MON2: variants seen among roughly 807,000 people sequenced by gnomAD.
The protein encoded by MON2 is protein MON2 homolog.
Under a neutral mutation model 208.6 loss-of-function variants are expected in MON2, and 84 were observed. The ratio of observed to expected loss-of-function variants is 0.40; its 90% CI spans 0.34 to 0.48. The LOEUF is 0.48. Among genes scored for constraint, MON2 ranks in the 20% least tolerant of loss-of-function variants. The probability of loss-of-function intolerance (pLI) is 0.59; values close to 1 mark genes in which losing one functional copy is unlikely to be tolerated. For missense variants in MON2, 1,611 were observed against 2,015.4 expected, an observed-to-expected ratio of 0.80 and a Z score of 3.84; for synonymous variants, 660 against 694.0, an observed-to-expected ratio of 0.95 and a Z score of 0.77.
At chr12:62,530,031 A>G (rs1352520127) in intron 11 of MON2, among the ~76,000 whole-genome samples, 4 of 152,106 alleles carry the variant, frequency 2.6e-5, no homozygotes, top group South Asian at 2.1e-4. Flanking sequence ...AAAATATGCA[A>G]TAGATTATTG....
intron 1 of MON2, among the ~76,000 whole-genome samples, chr12:62,477,183 G>A (rs1430619270): frequency 6.6e-6 from 1 of 152,008 alleles, no homozygotes; most frequent in African/African-American, 2.4e-5. Flanking sequence ...ATAGAGTGAT[G>A]CCTTATCTCA....
chr12:62,583,072 C>G (rs999009502), intron 32 of MON2, among the ~76,000 whole-genome samples: 12 of 152,212 alleles, frequency 7.9e-5, no homozygotes, highest in African/African-American at 2.9e-4. Flanking sequence ...GTGGCTCAGG[C>G]CTGTATTCCC....
At chr12:62,564,947 G>A (rs2074325342) in intron 26 of MON2, 1 of 252,082 alleles carries the variant, frequency 4.0e-6, no homozygotes. Flanking sequence ...TGATCAGATT[G>A]TAGAACCTGA....
intron 2 of MON2, among the ~76,000 whole-genome samples, chr12:62,487,685 T>C (rs1485716755): frequency 1.3e-5 from 2 of 151,694 alleles, no homozygotes; most frequent in Non-Finnish European, 2.9e-5. Flanking sequence ...TATTTATATA[T>C]TTAATATATT....
At chr12:62,505,975 G>A (rs1438778910) in intron 7 of MON2, among the ~76,000 whole-genome samples, 1 of 152,116 alleles carries the variant, frequency 6.6e-6, no homozygotes, top group Non-Finnish European at 1.5e-5. Context: ...TTTGGCCACA[G>A]AGATCATGAT....
intron 34 of MON2, among the ~76,000 whole-genome samples, chr12:62,590,298 G>C (rs1027167380): frequency 7.9e-5 from 12 of 152,196 alleles, no homozygotes; most frequent in Non-Finnish European, 1.3e-4. Context: ...TTGCCATGTT[G>C]GCCAGGCTGG....
At position 62,560,641 on chromosome 12, in the gene MON2, C is replaced by T. The variant is rs1565686388; in HGVS notation, c.3560C>T (p.Thr1187Ile). 5 of 1,613,920 alleles carry T rather than the reference C, an allele frequency of 3.1e-6. No individual in the cohort carries two copies. Among genetic ancestry groups the T allele is most frequent in the Non-Finnish European group, 4.2e-6 (5 of 1,179,996 alleles). Reference protein sequence around the residue: ...SPVRDSDKPETPPVVNVPVPV... With the variant: ...SPVRDSDKPEIPPVVNVPVPV... ...GTCAGAGACTCAGATAAGCCTGAGA[C>T]ACCACCTGTAGTTAATGTACCTGTG... is the stretch of plus-strand genomic sequence containing the variant. Residue 1187 changes from threonine to isoleucine, a missense_variant, in exon 26 of 35, where the codon ACA becomes ATA. Physicochemically the swap from Thr to Ile is moderately conservative, Grantham distance 89 (BLOSUM62 -1). Transcript: ENST00000393630.
rs1260696662 is a variant in MON2, at chr12:62,560,571, G to A, written c.3490G>A (p.Ala1164Thr). 1.2e-6 allele frequency: 2 copies of A among 1,613,888 alleles called. No individual in the cohort carries two copies. Among genetic ancestry groups the A allele is most frequent in the Non-Finnish European group, 1.7e-6 (2 of 1,179,974 alleles). Residue 1164 changes from alanine to threonine, a missense_variant, in exon 26 of 35, where the codon GCT (alanine) becomes ACT (threonine). Ala to Thr is a moderately conservative substitution (Grantham distance 58). Transcript: ENST00000393630. ...CAGCAAAAACAATGAAGTATCTCTGGCTGCTCTGAAAAGCTTCCAGGAAAT... is the reference window on the plus strand; with the variant it reads ...CAGCAAAAACAATGAAGTATCTCTGACTGCTCTGAAAAGCTTCCAGGAAAT... ...ALSKNNEVSLAALKSFQEILQ... is the reference protein window; with the variant it reads ...ALSKNNEVSLTALKSFQEILQ...
chr12:62,532,715 T>G (rs1203053341), intron 12 of MON2, 45 bp downstream of exon 12: 3 of 1,494,602 alleles, frequency 2.0e-6, no homozygotes, highest in South Asian at 1.2e-5. Flanking sequence ...AATTTGAAAT[T>G]TACAATTTGC....
intron 7 of MON2, among the ~76,000 whole-genome samples, chr12:62,503,772 G>A (rs954221727): frequency 6.6e-6 from 1 of 152,076 alleles, no homozygotes; most frequent in Non-Finnish European, 1.5e-5. Context: ...TACTATTCCT[G>A]GGCCTGGAAT....
At chr12:62,533,813 T>C (rs2072774787) in intron 12 of MON2, among the ~76,000 whole-genome samples, 1 of 152,198 alleles carries the variant, frequency 6.6e-6, no homozygotes, top group South Asian at 2.1e-4. Context: ...TGTACATTTC[T>C]AAAATGTCTG....
intron 3 of MON2, among the ~76,000 whole-genome samples, chr12:62,494,516 T>C (rs1225123890): frequency 9.9e-5 from 15 of 152,186 alleles, no homozygotes; most frequent in Non-Finnish European, 8.8e-5. Flanking sequence ...AATTTTGTAC[T>C]CCATAAGTAC....
chr12:62,537,627 T>C lies in MON2; in HGVS notation c.2039T>C (p.Met680Thr). The change falls in exon 16 of 35, where the codon ATG (methionine) becomes ACG (threonine). Residue 680 changes from methionine to threonine, a missense_variant. Met to Thr is a moderately conservative substitution (Grantham distance 81). Transcript: ENST00000393630. ...VMLTSKNIQC[M>T]RTLLNLAHCH... ...CTGACTTCCAAAAATATCCAGTGTA[T>C]GAGGACTTTACTTAACTTGGCGCAT... is the stretch of plus-strand genomic sequence containing the variant. The C allele has an allele frequency of 6.2e-7, 1 of 1,612,664 alleles. No homozygotes were observed. Among genetic ancestry groups the C allele is most frequent in the Non-Finnish European group, 8.5e-7 (1 of 1,179,444 alleles).
intron 15 of MON2, 75 bp downstream of exon 15, chr12:62,537,338 A>G (rs1190900966): frequency 9.8e-7 from 1 of 1,016,050 alleles, no homozygotes; most frequent in Admixed American, 2.4e-5. Flanking sequence ...TGTGTTTGCC[A>G]AAATGTGTCA....
intron 11 of MON2, among the ~76,000 whole-genome samples, chr12:62,527,622 T>G (rs1352996634): frequency 1.3e-5 from 2 of 152,010 alleles, no homozygotes; most frequent in East Asian, 3.9e-4. Flanking sequence ...AGAAGAAAAT[T>G]TTTGCCTTCA....
chr12:62,564,041 GA>G (rs201554054), intron 26 of MON2, among the ~76,000 whole-genome samples: 4 of 151,896 alleles, frequency 2.6e-5, no homozygotes, highest in South Asian at 2.1e-4. Flanking sequence ...TTATTTCTGA[GA>G]AAAAAATATT....
chr12:62,577,923 G>C (rs2136441195), intron 30 of MON2, among the ~76,000 whole-genome samples: 1 of 152,072 alleles, frequency 6.6e-6, no homozygotes, highest in African/African-American at 2.4e-5. Flanking sequence ...GTTCTTGTTG[G>C]AACAATTTTC....
chr12:62,527,704 G>C (rs1306670167), intron 11 of MON2, among the ~76,000 whole-genome samples: 1 of 151,996 alleles, frequency 6.6e-6, no homozygotes. Context: ...ATAACCTTGG[G>C]TAGTGGTTAA....
At chr12:62,470,646 C>A in intron 1 of MON2, 1 of 819,566 alleles carries the variant, frequency 1.2e-6, no homozygotes, top group South Asian at 2.8e-5. Context: ...AACTCTGAAG[C>A]TTTATGTTTA....
Sources: gnomAD v4.1 joint callset for allele counts (sites outside exome capture counted in the v4.1 genomes callset) on GRCh38, gnomAD v4.1.1 for gene constraint, MANE v1.5 for transcripts, NCBI Gene and HGNC (gene_info 2026-07-23, HGNC 2026-07-21) for gene names.